The following ADGRV1 variants were observed in gnomAD, a reference collection of about 807,000 sequenced individuals.
ADGRV1 encodes the protein adhesion G protein-coupled receptor V1.
Under a neutral mutation model 596.2 loss-of-function variants are expected in ADGRV1, and 359 were observed. The observed-to-expected ratio is 0.60, with a 90% CI of 0.55 to 0.66. The LOEUF is 0.66. Ranked by LOEUF, ADGRV1 falls within the 30% of genes least tolerant of loss-of-function variation. The probability of loss-of-function intolerance (pLI) is 0.00; values close to 1 mark genes in which losing one functional copy is unlikely to be tolerated. For synonymous variants in ADGRV1, 2,681 were observed against 2,679.2 expected (o/e 1.00, Z -0.02); for missense variants, 7,274 against 7,575.6 (o/e 0.96, Z 1.48).
chr5:91,040,503 G>T (rs1490441514), intron 85 of ADGRV1, among the ~76,000 whole-genome samples: 2 of 152,116 alleles, frequency 1.3e-5, no homozygotes, highest in African/African-American at 2.4e-5. Flanking sequence ...ATGTTAATTT[G>T]CATTTCACTT....
intron 45 of ADGRV1, among the ~76,000 whole-genome samples, chr5:90,721,370 G>A (rs1750911150): frequency 6.6e-6 from 1 of 151,676 alleles, no homozygotes; most frequent in Non-Finnish European, 1.5e-5. Context: ...CGGGCGTAGT[G>A]GCAGGCGCCT....
Position 90,643,864 on chromosome 5 carries a change from G to T in ADGRV1, c.2615G>T (p.Ser872Ile). The T allele has an allele frequency of 6.2e-7, 1 of 1,611,652 alleles. No homozygotes were observed. The highest frequency in any genetic ancestry group is 1.7e-5 in the Admixed American group (1 of 59,736). The change falls in exon 14 of 90, where the codon AGT (serine) becomes ATT (isoleucine). Residue 872 changes from serine to isoleucine, a missense_variant. Physicochemically the swap from Ser to Ile is moderately radical, Grantham distance 142. Transcript: ENST00000405460. ...SHGERESKLG[S>I]ATIVNITILK... ...GGAGAACGGGAAAGCAAGTTGGGAA[G>T]TGCCACCATTGTCAATATAACGATT...
chr5:90,808,415 T>G (rs1265410791), intron 73 of ADGRV1, among the ~76,000 whole-genome samples: 2 of 152,302 alleles, frequency 1.3e-5, no homozygotes, highest in Admixed American at 1.3e-4. Flanking sequence ...AAGAAAATTT[T>G]GGGGTATGAA....
At chr5:90,824,647 T>C (rs1763915985) in intron 76 of ADGRV1, among the ~76,000 whole-genome samples, 1 of 152,232 alleles carries the variant, frequency 6.6e-6, no homozygotes, top group Non-Finnish European at 1.5e-5. Context: ...TTTGATCATA[T>C]AGTATGTCCT....
chr5:90,961,511 G>GGT (rs1562004856), intron 83 of ADGRV1, among the ~76,000 whole-genome samples: 2 of 145,448 alleles, frequency 1.4e-5, no homozygotes, highest in East Asian at 4.2e-4. Flanking sequence ...AAAAAAAGGG[G>GGT]GGGTGGCGGT....
chr5:91,158,472 T>A (rs181301316), intron 89 of ADGRV1, among the ~76,000 whole-genome samples: 2 of 152,342 alleles, frequency 1.3e-5, no homozygotes, highest in Admixed American at 1.3e-4. Flanking sequence ...GGGACTGTGG[T>A]AGCATCAGAT....
intron 83 of ADGRV1, among the ~76,000 whole-genome samples, chr5:90,945,573 G>A (rs1470149934): frequency 6.6e-6 from 1 of 152,186 alleles, no homozygotes; most frequent in African/African-American, 2.4e-5. Flanking sequence ...CACTGAGGGA[G>A]GGTACTAGAT....
intron 85 of ADGRV1, among the ~76,000 whole-genome samples, chr5:91,009,738 A>G (rs559176761): frequency 1.3e-5 from 2 of 152,244 alleles, no homozygotes; most frequent in African/African-American, 4.8e-5. Flanking sequence ...AACCAAAGTT[A>G]TATAATATGT....
At chr5:90,637,149 T>C (rs1459495873) in intron 10 of ADGRV1, among the ~76,000 whole-genome samples, 1 of 152,176 alleles carries the variant, frequency 6.6e-6, no homozygotes, top group Non-Finnish European at 1.5e-5. Flanking sequence ...CATGAGAAAA[T>C]TAGGATCAGA....
intron 83 of ADGRV1, among the ~76,000 whole-genome samples, chr5:90,958,648 TC>T (rs1777717427): frequency 6.6e-6 from 1 of 152,148 alleles, no homozygotes; most frequent in Non-Finnish European, 1.5e-5. Flanking sequence ...GGCCATCATC[TC>T]CCTTTGTCTT....
chr5:90,679,731 TC>T lies in ADGRV1; in HGVS notation c.5524+104del, dbSNP rs1229447068. The T allele has an allele frequency of 1.2e-5, 8 of 661,008 alleles. No homozygotes were observed. In the East Asian group the frequency reaches 2.2e-4, roughly 18 times the overall value. 40.9% of individuals were successfully genotyped at this position (661,008 alleles called of 1,614,324 possible). ...CTTATTGACACCTACTATGTGTAGGTCCTTTACATATTTTATCTTATTAACT... is the reference window on the plus strand; with the variant it reads ...CTTATTGACACCTACTATGTGTAGGTCTTTACATATTTTATCTTATTAACT... On this transcript the variant is annotated intron_variant, in intron 26 of 89. Transcript: ENST00000405460.
At chr5:90,814,960 T>C (rs1283182484) in intron 74 of ADGRV1, among the ~76,000 whole-genome samples, 1 of 143,352 alleles carries the variant, frequency 7.0e-6, no homozygotes, top group Non-Finnish European at 1.5e-5. Context: ...TTCTGTATAG[T>C]ATGAACCCTA....
chr5:90,866,168 A>G (rs1191320192), intron 83 of ADGRV1, among the ~76,000 whole-genome samples: 1 of 152,092 alleles, frequency 6.6e-6, no homozygotes, highest in African/African-American at 2.4e-5. Context: ...AAGAATGGAA[A>G]TGTGGTAGTC....
At chr5:90,819,006 G>T (rs1763200808) in intron 75 of ADGRV1, among the ~76,000 whole-genome samples, 1 of 152,076 alleles carries the variant, frequency 6.6e-6, no homozygotes, top group Admixed American at 6.5e-5. Flanking sequence ...GTTCCTCCTT[G>T]TACCTCTGGT....
intron 34 of ADGRV1, among the ~76,000 whole-genome samples, chr5:90,698,869 T>G (rs1747541473): frequency 1.3e-5 from 2 of 152,042 alleles, no homozygotes; most frequent in South Asian, 2.1e-4. Flanking sequence ...TTACACTGAT[T>G]ACTCCGTAAT....
chr5:90,746,855 G>T (rs1754686412), intron 52 of ADGRV1, among the ~76,000 whole-genome samples: 1 of 152,184 alleles, frequency 6.6e-6, no homozygotes, highest in South Asian at 2.1e-4. Flanking sequence ...ACAAATGCCT[G>T]TTAGGTACCA....
intron 50 of ADGRV1, among the ~76,000 whole-genome samples, chr5:90,741,086 C>T (rs375951214): frequency 6.6e-5 from 10 of 152,084 alleles, no homozygotes; most frequent in African/African-American, 2.4e-4. Context: ...TTCTATTTAC[C>T]TCTCACTTTT....
chr5:90,816,932 T>C (rs1762955573), intron 75 of ADGRV1, among the ~76,000 whole-genome samples: 1 of 152,094 alleles, frequency 6.6e-6, no homozygotes, highest in African/African-American at 2.4e-5. Context: ...TACCCAGTAA[T>C]GGGATGGCTG....
At position 90,653,558 on chromosome 5, in the gene ADGRV1, G is replaced by T. The variant is rs904407073; in HGVS notation, c.3984G>T (p.Leu1328Phe). The change falls in exon 20 of 90, where the codon TTG becomes TTT. Residue 1328 changes from leucine to phenylalanine, a missense_variant. Leu to Phe is a conservative substitution (Grantham distance 22, BLOSUM62 0). This residue lies in a region of ADGRV1 where 1,715 missense variants were observed against 1,708.8 expected (regional missense o/e 1.00). Coordinates refer to ENST00000405460, the MANE Select transcript of ADGRV1 (RefSeq NM_032119.4). ...MRRHHSGTDA[L>F]YFTGLEGAFG... is the part of the protein sequence containing the mutation. ...GTCACCACAGTGGAACGGATGCTTTGTACTTTACCGGACTAGAGGGTGCAT... is the reference window on the plus strand; with the variant it reads ...GTCACCACAGTGGAACGGATGCTTTTTACTTTACCGGACTAGAGGGTGCAT... 6.2e-7 allele frequency: 1 copy of T among 1,613,878 alleles called. No homozygotes were observed. Among genetic ancestry groups the T allele is most frequent in the Non-Finnish European group, 8.5e-7 (1 of 1,179,878 alleles).
Sources: gnomAD v4.1 joint callset for allele counts (sites outside exome capture counted in the v4.1 genomes callset) on GRCh38, gnomAD v4.1.1 for gene constraint, gnomAD v4.1.1 regional missense constraint, MANE v1.5 for transcripts, NCBI Gene and HGNC (gene_info 2026-07-23, HGNC 2026-07-21) for gene names.